The following CRYBG3 variants were observed in gnomAD, a reference collection of about 807,000 sequenced individuals.
The protein encoded by CRYBG3 is crystallin beta-gamma domain containing 3.
Under a neutral mutation model 244.2 loss-of-function variants are expected in CRYBG3, and 127 were observed. The ratio of observed to expected loss-of-function variants is 0.52; its 90% confidence interval spans 0.45 to 0.60. The LOEUF is 0.60. Among genes scored for constraint, CRYBG3 ranks in the 20% least tolerant of loss-of-function variants. The pLI is 0.00. For synonymous variants in CRYBG3, 1,132 were observed against 1,195.8 expected, an observed-to-expected ratio of 0.95 and a Z score of 1.10; for missense variants, 3,325 against 3,442.5, an observed-to-expected ratio of 0.97 and a Z score of 0.85.
At chr3:97,927,086 CA>C (rs1031506592) in intron 17 of CRYBG3, among the ~76,000 whole-genome samples, 26 of 151,982 alleles carry the variant, frequency 1.7e-4, no homozygotes, top group Admixed American at 4.6e-4. Context: ...ACATGGGAAC[CA>C]AAAAAGAGCC....
intron 18 of CRYBG3, among the ~76,000 whole-genome samples, chr3:97,935,303 C>T (rs763620312): frequency 5.9e-5 from 9 of 152,050 alleles, no homozygotes; most frequent in Non-Finnish European, 1.0e-4. Context: ...ACTTCCCTGA[C>T]AGTTTAAAGA....
intron 2 of CRYBG3, among the ~76,000 whole-genome samples, chr3:97,850,629 G>A (rs2038971326): frequency 6.6e-6 from 1 of 152,140 alleles, no homozygotes; most frequent in African/African-American, 2.4e-5. Context: ...TACCTTGCCT[G>A]TTGTCATTTT....
Position 97,936,798 on chromosome 3 carries a change from G to A in CRYBG3, c.8395G>A (p.Glu2799Lys). The A allele has an allele frequency of 6.2e-7, 1 of 1,612,794 alleles. No homozygotes were observed. The highest frequency in any genetic ancestry group is 1.1e-5 in the South Asian group (1 of 91,010). The change falls in exon 19 of 22, where the codon GAA becomes AAA. Residue 2799 changes from glutamate (E) to lysine (K), a missense_variant. This residue lies in a region of CRYBG3 where 714 missense variants were observed against 803.6 expected (regional missense o/e 0.89). Coordinates refer to ENST00000389622, the MANE Select transcript of CRYBG3 (RefSeq NM_153605.4). ...WVKSGLWIAY[E>K]GSNFLGRQIL... ...TTGTTCTCATAGATGGATAGCTTAT[G>A]AAGGATCCAATTTCTTGGGAAGACA...
Position 97,907,016 on chromosome 3 carries a change from G to A in CRYBG3, c.8005-5151G>A, listed in dbSNP as rs563066879. Among the ~76,000 whole-genome samples the A allele has an allele frequency of 3.1e-3, 467 of 151,776 alleles. 6 individuals are homozygous for A. The highest frequency in any genetic ancestry group is 0.027 in the Admixed American group (406 of 15,258). On this transcript the variant is annotated intron_variant, in intron 15 of 21. Coordinates refer to ENST00000389622, the MANE Select transcript of CRYBG3 (RefSeq NM_153605.4). Reference sequence around the variant, plus strand: ...CTATTGAGATAATCATGTGGTTTTTGTCTTTGGCTCTGTTTATATGCTGGA... The same window carrying A: ...CTATTGAGATAATCATGTGGTTTTTATCTTTGGCTCTGTTTATATGCTGGA...
chr3:97,893,411 A>G (rs1408873325), intron 11 of CRYBG3, among the ~76,000 whole-genome samples: 1 of 152,236 alleles, frequency 6.6e-6, no homozygotes, highest in African/African-American at 2.4e-5. Flanking sequence ...GTGTTTCCAA[A>G]GTCAAGGATT....
At chr3:97,842,024 G>A (rs764287700) in intron 1 of CRYBG3, among the ~76,000 whole-genome samples, 2 of 152,012 alleles carry the variant, frequency 1.3e-5, no homozygotes, top group Non-Finnish European at 2.9e-5. Context: ...TTTATGCTTC[G>A]TAGCATTTTG....
chr3:97,941,962 A>T (rs2040240349), intron 20 of CRYBG3: 1 of 181,644 alleles, frequency 5.5e-6, no homozygotes, highest in South Asian at 1.9e-4. Flanking sequence ...CAAGCTCAAC[A>T]TAATACGTTT....
chr3:97,843,042 A>C (rs998014888), intron 1 of CRYBG3, among the ~76,000 whole-genome samples, 153 bp from the exon 2 acceptor site: 1 of 152,216 alleles, frequency 6.6e-6, no homozygotes, highest in Non-Finnish European at 1.5e-5. Context: ...TTGAATTTAG[A>C]GATTCAAATC....
chr3:97,823,946 C>G (rs1160359358), intron 1 of CRYBG3, among the ~76,000 whole-genome samples: 1 of 152,186 alleles, frequency 6.6e-6, no homozygotes, highest in Non-Finnish European at 1.5e-5. Context: ...CCTTGTTCAC[C>G]TACCACTTCT....
chr3:97,932,201 A>G (rs1433922000), intron 17 of CRYBG3, among the ~76,000 whole-genome samples: 2 of 151,958 alleles, frequency 1.3e-5, no homozygotes, highest in African/African-American at 4.8e-5. Context: ...AAGCGCATAC[A>G]TATGTATGTG....
intron 1 of CRYBG3, among the ~76,000 whole-genome samples, chr3:97,830,947 G>T (rs1409804578): frequency 6.6e-6 from 1 of 152,094 alleles, no homozygotes; most frequent in Non-Finnish European, 1.5e-5. Context: ...GAGTCTGGAG[G>T]CTTCTCTTTT....
intron 1 of CRYBG3, among the ~76,000 whole-genome samples, chr3:97,828,585 G>C (rs2038608749): frequency 6.7e-6 from 1 of 149,814 alleles, no homozygotes; most frequent in South Asian, 2.1e-4. Context: ...CCAGCACTTT[G>C]GGAGGCCAAG....
At chr3:97,933,929 CAAGTGGT>C in intron 18 of CRYBG3, 96 bp downstream of exon 18, 9 of 1,022,786 alleles carry the variant, frequency 8.8e-6, no homozygotes, top group Non-Finnish European at 1.0e-5. Context: ...AGTACGCATT[CAAGTGGT>C]CTTGAGGAAG....
intron 2 of CRYBG3, among the ~76,000 whole-genome samples, chr3:97,844,388 C>T (rs148864954): frequency 0.011 from 1,670 of 152,222 alleles, 18 homozygotes; most frequent in Middle Eastern, 0.02. Flanking sequence ...TTGAGTTGCC[C>T]TACTCAAGAC....
intron 17 of CRYBG3, among the ~76,000 whole-genome samples, chr3:97,924,995 G>A (rs943527624): frequency 6.6e-6 from 1 of 152,056 alleles, no homozygotes; most frequent in East Asian, 1.9e-4. Context: ...TTAGTGTACC[G>A]AATATAAGAA....
chr3:97,889,396 T>A lies in CRYBG3; in HGVS notation c.7440+6T>A. ...AAATGCCCATGAACTTAAAGGTAAGTCTTGGACTGATTTTTGTAGCAGGCT... is the reference window on the plus strand; with the variant it reads ...AAATGCCCATGAACTTAAAGGTAAGACTTGGACTGATTTTTGTAGCAGGCT... On this transcript the variant is annotated splice_donor_region_variant and intron_variant, in intron 10 of 21. Coordinates refer to ENST00000389622, the MANE Select transcript of CRYBG3 (RefSeq NM_153605.4). 1 of 1,606,418 alleles carries A rather than the reference T, an allele frequency of 6.2e-7. No individual in the cohort carries two copies. Among genetic ancestry groups the A allele is most frequent in the Non-Finnish European group, 8.5e-7 (1 of 1,173,306 alleles).
chr3:97,942,565 C>A, intron 21 of CRYBG3, 122 bp downstream of exon 21: 2 of 950,360 alleles, frequency 2.1e-6, no homozygotes, highest in South Asian at 2.5e-5. Flanking sequence ...TAAAATTATG[C>A]TTGAAGAAAA....
chr3:97,881,072 C>T lies in CRYBG3; in HGVS notation c.7005C>T (p.Cys2335=), dbSNP rs759058085. ...NGVLIKVVRG[C]WILYEKPHFR... ...CATCATTGCATTTCTCTTTGTTTAG[C>T]TGGATTTTATATGAGAAACCACATT... The change falls in exon 7 of 22, where the codon TGC becomes TGT. Residue 2335 remains cysteine, a splice_region_variant and synonymous_variant. Transcript: ENST00000389622. The T allele has an allele frequency of 1.3e-6, 2 of 1,580,514 alleles. No individual in the cohort carries two copies. Among genetic ancestry groups the T allele is most frequent in the South Asian group, 1.2e-5 (1 of 83,472 alleles).
In CRYBG3 at chr3:97,840,915, A is replaced by G. The variant is rs551487126; in HGVS notation, c.150-2280A>G. On this transcript the variant is annotated intron_variant, in intron 1 of 21. Coordinates refer to ENST00000389622, the MANE Select transcript of CRYBG3 (RefSeq NM_153605.4). ...TGTATTTGCCAGTTTGTTTTTGTTA[A>G]TTTGAGCTTAAATAGACCAAAATCA... Among the ~76,000 whole-genome samples the G allele has an allele frequency of 3.3e-5, 5 of 152,126 alleles. No individual in the cohort carries two copies. In the East Asian group the frequency reaches 9.7e-4, roughly 29 times the overall value.
Sources: allele counts gnomAD v4.1 joint callset (sites outside exome capture counted in the v4.1 genomes callset), GRCh38; gene constraint gnomAD v4.1.1; regional missense constraint gnomAD v4.1.1; transcripts MANE v1.5; gene names NCBI Gene and HGNC (gene_info 2026-07-23, HGNC 2026-07-21).